The following ROBO2 variants were observed in gnomAD, a reference collection of about 807,000 sequenced individuals.
ROBO2 encodes the protein roundabout guidance receptor 2.
Under a neutral mutation model 160.8 loss-of-function variants are expected in ROBO2, and 53 were observed. The ratio of observed to expected loss-of-function variants is 0.33; its 90% CI spans 0.26 to 0.41. The LOEUF is 0.41. Ranked by LOEUF, ROBO2 falls within the 10% of genes least tolerant of loss-of-function variation. The pLI is 1.00. For missense variants in ROBO2, 1,577 were observed against 1,722.4 expected (o/e 0.92, Z 1.49); for synonymous variants, 664 against 611.7 (o/e 1.09, Z -1.26).
At chr3:76,288,411 C>G (rs1475721466) in intron 2 of ROBO2, among the ~76,000 whole-genome samples, 3 of 151,778 alleles carry the variant, frequency 2.0e-5, no homozygotes, top group African/African-American at 7.3e-5. Context: ...CTAAAATACC[C>G]ATTTTTTTAA....
chr3:77,198,558 G>C (rs144088922), intron 2 of ROBO2, among the ~76,000 whole-genome samples: 77 of 152,306 alleles, frequency 5.1e-4, no homozygotes, highest in African/African-American at 1.7e-3. Flanking sequence ...AATGAGTTCA[G>C]ATTGTACATG....
intron 2 of ROBO2, among the ~76,000 whole-genome samples, chr3:76,171,903 A>G (rs1174165279): frequency 6.6e-6 from 1 of 152,066 alleles, no homozygotes; most frequent in East Asian, 1.9e-4. Flanking sequence ...TAGTGAAGAG[A>G]ATCCATAAAT....
chr3:76,154,190 C>T (rs913451906), intron 2 of ROBO2, among the ~76,000 whole-genome samples: 1 of 152,122 alleles, frequency 6.6e-6, no homozygotes. Flanking sequence ...TTAAAAGTAG[C>T]AGCAGCTTCC....
intron 2 of ROBO2, among the ~76,000 whole-genome samples, chr3:76,474,491 T>C (rs1175449854): frequency 2.0e-5 from 3 of 152,118 alleles, no homozygotes; most frequent in Admixed American, 2.0e-4. Flanking sequence ...CAGGCCCCGT[T>C]CTAAGTGGTA....
intron 2 of ROBO2, among the ~76,000 whole-genome samples, chr3:76,600,299 T>C (rs924378512): frequency 6.6e-6 from 1 of 152,154 alleles, no homozygotes; most frequent in African/African-American, 2.4e-5. Flanking sequence ...AAATAGGGAG[T>C]CCTCTCCCCA....
chr3:75,996,544 A>G (rs887736473), intron 2 of ROBO2, among the ~76,000 whole-genome samples: 3 of 152,216 alleles, frequency 2.0e-5, no homozygotes, highest in African/African-American at 7.2e-5. Context: ...AATAGACCTT[A>G]GTGACTAAGA....
intron 2 of ROBO2, among the ~76,000 whole-genome samples, chr3:76,243,648 T>C (rs1338993915): frequency 6.6e-6 from 1 of 152,186 alleles, no homozygotes; most frequent in Non-Finnish European, 1.5e-5. Context: ...AAGACAGCAC[T>C]TGCAGGCGTG....
Position 76,733,975 on chromosome 3 carries a change from C to T in ROBO2, c.110-364039C>T, listed in dbSNP as rs138222565. Among the ~76,000 whole-genome samples the T allele has an allele frequency of 2.2e-3, 341 of 152,192 alleles. 2 individuals are homozygous for T. Among genetic ancestry groups the T allele is most frequent in the African/African-American group, 7.6e-3 (314 of 41,506 alleles). On this transcript the variant is annotated intron_variant, in intron 2 of 26. Transcript: ENST00000487694. ...GAAGGAAACCAGAAAGAGCATCTAT[C>T]GTTATATTTTCACATGTAGGAGACC...
chr3:76,123,454 T>G (rs1483876628), intron 2 of ROBO2, among the ~76,000 whole-genome samples: 1 of 152,186 alleles, frequency 6.6e-6, no homozygotes, highest in African/African-American at 2.4e-5. Context: ...AATTTTTCCT[T>G]ACTTCTCTCT....
At chr3:77,385,306 G>A (rs1312113973) in intron 2 of ROBO2, among the ~76,000 whole-genome samples, 1 of 152,162 alleles carries the variant, frequency 6.6e-6, no homozygotes, top group Non-Finnish European at 1.5e-5. Flanking sequence ...TGGGATTACA[G>A]GCGTGAGCCA....
At chr3:76,224,438 A>T (rs1057378080) in intron 2 of ROBO2, among the ~76,000 whole-genome samples, 1 of 152,136 alleles carries the variant, frequency 6.6e-6, no homozygotes, top group African/African-American at 2.4e-5. Context: ...GCTCAAGAAG[A>T]TGGAGAAAAT....
intron 2 of ROBO2, among the ~76,000 whole-genome samples, chr3:76,850,996 T>C (rs562506857): frequency 1.2e-4 from 19 of 152,338 alleles, no homozygotes; most frequent in African/African-American, 4.6e-4. Flanking sequence ...TCTAAGGCTA[T>C]AAATGCCTGG....
At chr3:76,025,055 G>A (rs893844585) in intron 2 of ROBO2, among the ~76,000 whole-genome samples, 2 of 133,862 alleles carry the variant, frequency 1.5e-5, no homozygotes, top group South Asian at 2.1e-4. Flanking sequence ...TTATTTCTAT[G>A]GAGAACCATA....
intron 1 of ROBO2, among the ~76,000 whole-genome samples, chr3:77,094,021 A>G (rs2070708314): frequency 6.6e-6 from 1 of 152,218 alleles, no homozygotes; most frequent in South Asian, 2.1e-4. Flanking sequence ...TACCCAAAGT[A>G]TAAAATATAA....
chr3:76,618,756 C>T (rs1415523157), intron 2 of ROBO2, among the ~76,000 whole-genome samples: 1 of 151,616 alleles, frequency 6.6e-6, no homozygotes, highest in Non-Finnish European at 1.5e-5. Context: ...TTGACGGATC[C>T]TGATAAAAAG....
chr3:76,348,088 A>C (rs2074639692), intron 2 of ROBO2, among the ~76,000 whole-genome samples: 2 of 142,692 alleles, frequency 1.4e-5, no homozygotes, highest in South Asian at 4.2e-4. Flanking sequence ...AGTCAGTATC[A>C]GTCTTCAGCA....
intron 2 of ROBO2, among the ~76,000 whole-genome samples, chr3:77,168,561 A>G (rs963640681): frequency 6.6e-6 from 1 of 152,100 alleles, no homozygotes; most frequent in African/African-American, 2.4e-5. Flanking sequence ...TCATAGTTAC[A>G]TGTTTATATT....
intron 2 of ROBO2, among the ~76,000 whole-genome samples, chr3:77,370,656 G>A (rs997971348): frequency 1.3e-5 from 2 of 152,220 alleles, no homozygotes. Context: ...GGTATGACTC[G>A]TGAGCTAAGA....
Position 76,787,605 on chromosome 3 carries a change from T to C in ROBO2, c.110-310409T>C, listed in dbSNP as rs563467212. Among the ~76,000 whole-genome samples the C allele has an allele frequency of 3.3e-5, 5 of 151,636 alleles. No homozygotes were observed. In the South Asian group the frequency reaches 1.0e-3, roughly 31 times the overall value. ...TTTTGTTATCTATAAGTTCTCTATA[T>C]GTATTTTATTCAATATATATTCAAA... On this transcript the variant is annotated intron_variant, in intron 2 of 26. Coordinates refer to the ROBO2 transcript ENST00000487694.
Sources: gnomAD v4.1 joint callset for allele counts (sites outside exome capture counted in the v4.1 genomes callset) on GRCh38, gnomAD v4.1.1 for gene constraint, MANE v1.5 for transcripts, NCBI Gene and HGNC (gene_info 2026-07-23, HGNC 2026-07-21) for gene names.